The following AGBL1 variants were observed in gnomAD, a reference collection of about 807,000 sequenced individuals.
AGBL1 encodes the protein cytosolic carboxypeptidase 4.
A neutral mutation model predicts 118.9 loss-of-function variants in AGBL1; 130 were observed. The observed-to-expected ratio is 1.09, with a 90% CI of 0.95 to 1.26. The LOEUF (loss-of-function observed/expected upper bound fraction) is 1.26, where lower values mean the gene tolerates loss of function less well. Among genes scored for constraint, AGBL1 ranks in the 50% most tolerant of loss-of-function variants. The pLI, the probability that AGBL1 is intolerant of heterozygous loss-of-function variation, is 0.00. For synonymous variants in AGBL1, 555 were observed against 478.9 expected (o/e 1.16, Z -2.08); for missense variants, 1,584 against 1,298.1 (o/e 1.22, Z -3.38).
chr15:86,921,397 G>A (rs2080480567), intron 23 of AGBL1, among the ~76,000 whole-genome samples: 2 of 152,044 alleles, frequency 1.3e-5, no homozygotes, highest in Non-Finnish European at 2.9e-5. Flanking sequence ...CCAAGTTTCT[G>A]AAAAAACAAC....
chr15:86,773,783 A>G (rs1415803476), intron 22 of AGBL1, among the ~76,000 whole-genome samples: 1 of 151,944 alleles, frequency 6.6e-6, no homozygotes, highest in East Asian at 1.9e-4. Flanking sequence ...TATCCACTGA[A>G]AAAGAAAAAA....
intron 22 of AGBL1, among the ~76,000 whole-genome samples, chr15:86,677,032 A>C (rs890098355): frequency 5.9e-5 from 9 of 152,046 alleles, no homozygotes; most frequent in East Asian, 5.8e-4. Flanking sequence ...ACAACAACAA[A>C]AAAAATGCAA....
intron 23 of AGBL1, among the ~76,000 whole-genome samples, chr15:86,936,578 C>T (rs558179454): frequency 2.0e-5 from 3 of 152,268 alleles, no homozygotes; most frequent in Admixed American, 2.0e-4. Context: ...ATAAATGGTG[C>T]TTGGATAACT....
At position 86,636,226 on chromosome 15, in the gene AGBL1, G is replaced by A. The variant is rs138584400; in HGVS notation, c.2995-38047G>A. Reference sequence around the variant, plus strand: ...ACCCACTTCTACAAATTTTATAACAGTAGGGCCCTGGAAGGAGCCTGTTAG... The same window carrying A: ...ACCCACTTCTACAAATTTTATAACAATAGGGCCCTGGAAGGAGCCTGTTAG... On this transcript the variant is annotated intron_variant, in intron 21 of 22. Coordinates refer to ENST00000614907, the MANE Select transcript of AGBL1 (RefSeq NM_001386094.1). 2.6e-3 allele frequency among the ~76,000 whole-genome samples: 396 copies of A among 152,180 alleles called. 2 individuals carry two copies. The highest frequency in any genetic ancestry group is 9.1e-3 in the African/African-American group (378 of 41,520).
chr15:86,837,148 A>T (rs2079180752), intron 22 of AGBL1, among the ~76,000 whole-genome samples: 8 of 151,872 alleles, frequency 5.3e-5, no homozygotes, highest in Admixed American at 5.3e-4. Context: ...AGTCTATACA[A>T]CTTCAGGATC....
At chr15:86,587,461 A>T (rs896469674) in intron 21 of AGBL1, among the ~76,000 whole-genome samples, 1 of 152,162 alleles carries the variant, frequency 6.6e-6, no homozygotes, top group East Asian at 1.9e-4. Flanking sequence ...GGGGTTGTTA[A>T]AAAGGCTTCA....
At chr15:87,018,451 G>T (rs1320496489) in intron 24 of AGBL1, among the ~76,000 whole-genome samples, 1 of 152,014 alleles carries the variant, frequency 6.6e-6, no homozygotes, top group Non-Finnish European at 1.5e-5. Flanking sequence ...GATATTGGGG[G>T]CCAATATTCA....
At chr15:86,488,619 C>T (rs1304146803) in intron 18 of AGBL1, among the ~76,000 whole-genome samples, 1 of 152,058 alleles carries the variant, frequency 6.6e-6, no homozygotes, top group Non-Finnish European at 1.5e-5. Context: ...TTCCTCCCTT[C>T]AGCCTTCTGA....
At chr15:86,477,594 C>T (rs2082580411) in intron 18 of AGBL1, among the ~76,000 whole-genome samples, 1 of 152,116 alleles carries the variant, frequency 6.6e-6, no homozygotes, top group Admixed American at 6.5e-5. Flanking sequence ...TAATTAATTG[C>T]TTACCAACCA....
At chr15:86,815,780 A>G (rs931734613) in intron 22 of AGBL1, among the ~76,000 whole-genome samples, 1 of 152,010 alleles carries the variant, frequency 6.6e-6, no homozygotes, top group East Asian at 1.9e-4. Flanking sequence ...CTCCTCTTCT[A>G]CCTCCCAGAA....
At chr15:86,415,711 A>T (rs2081684333) in intron 18 of AGBL1, among the ~76,000 whole-genome samples, 1 of 152,158 alleles carries the variant, frequency 6.6e-6, no homozygotes, top group Non-Finnish European at 1.5e-5. Flanking sequence ...GTTTCCTGGT[A>T]TGTCACTGTG....
At position 86,247,701 on chromosome 15, in the gene AGBL1, G is replaced by T. The variant is rs1457678781; in HGVS notation, c.557G>T (p.Gly186Val). 2 of 1,611,726 alleles carry T rather than the reference G, an allele frequency of 1.2e-6. No individual in the cohort carries two copies. The highest frequency in any genetic ancestry group is 1.7e-6 in the Non-Finnish European group (2 of 1,179,022). The change falls in exon 7 of 23, where the codon GGC becomes GTC. Residue 186 changes from glycine (G) to valine (V), a missense_variant. By Grantham distance (109) the Gly-to-Val change is moderately radical. Transcript: ENST00000614907. ...AACGGCCGCAGAGCAGTGAACCGAG[G>T]CTACGTCACCAGCCTGCTCGGGCTG... ...KSNGRRAVNR[G>V]YVTSLLGLHQ...
intron 17 of AGBL1, among the ~76,000 whole-genome samples, chr15:86,356,859 C>T (rs2080729544): frequency 6.6e-6 from 1 of 152,156 alleles, no homozygotes; most frequent in African/African-American, 2.4e-5. Flanking sequence ...TTTGAGTCAG[C>T]TGAGTCCCAC....
chr15:86,803,419 A>G (rs1023404171), intron 22 of AGBL1, among the ~76,000 whole-genome samples: 2 of 152,176 alleles, frequency 1.3e-5, no homozygotes, highest in East Asian at 1.9e-4. Flanking sequence ...GTGTGAGTCA[A>G]TTAAACCTCT....
At chr15:86,562,778 T>G (rs917361796) in intron 21 of AGBL1, among the ~76,000 whole-genome samples, 1 of 152,134 alleles carries the variant, frequency 6.6e-6, no homozygotes, top group Admixed American at 6.5e-5. Flanking sequence ...GGTCCTGGAC[T>G]TTTTTTGGTG....
In AGBL1 at chr15:86,591,800, C is replaced by T. The variant is rs539411782; in HGVS notation, c.2994+37263C>T. Reference sequence around the variant, plus strand: ...ACTGTTGATTAGTTTAACCTTTAGCCCCTCTCCTCTCCCTAAAAGTTAGGA... The same window carrying T: ...ACTGTTGATTAGTTTAACCTTTAGCTCCTCTCCTCTCCCTAAAAGTTAGGA... On this transcript the variant is annotated intron_variant, in intron 21 of 22. Transcript: ENST00000614907. 5.3e-5 allele frequency among the ~76,000 whole-genome samples: 8 copies of T among 152,182 alleles called. No individual in the cohort carries two copies. The South Asian group carries it at 1.2e-3, about 24-fold the overall frequency.
In AGBL1 at chr15:86,441,372, A is replaced by G. The variant is rs578186931; in HGVS notation, c.2555+43826A>G. ...CATCTCGTGCTATGGAAAACAAAAA[A>G]AATTCTTCAGCGGCTCTCTCCAATT... On this transcript the variant is annotated intron_variant, in intron 18 of 22. Coordinates refer to ENST00000614907, the MANE Select transcript of AGBL1 (RefSeq NM_001386094.1). 1.1e-4 allele frequency among the ~76,000 whole-genome samples: 17 copies of G among 152,338 alleles called. No individual in the cohort carries two copies. The East Asian group carries it at 3.3e-3, about 29-fold the overall frequency.
intron 21 of AGBL1, among the ~76,000 whole-genome samples, chr15:86,592,197 G>C (rs1434227355): frequency 6.6e-6 from 1 of 152,032 alleles, no homozygotes; most frequent in African/African-American, 2.4e-5. Flanking sequence ...ATTTTCCTTT[G>C]GGGAAATACT....
intron 22 of AGBL1, among the ~76,000 whole-genome samples, chr15:86,818,258 G>A (rs1318474199): frequency 6.6e-6 from 1 of 152,162 alleles, no homozygotes. Context: ...GGCAGCTCTA[G>A]AGCAGAACTG....
Sources: allele counts gnomAD v4.1 joint callset (sites outside exome capture counted in the v4.1 genomes callset), GRCh38; gene constraint gnomAD v4.1.1; transcripts MANE v1.5; gene names NCBI Gene and HGNC (gene_info 2026-07-23, HGNC 2026-07-21).